ZBTB16: variants seen among roughly 807,000 people sequenced by gnomAD.
ZBTB16 encodes zinc finger and BTB domain containing 16.
Under a neutral mutation model 56.8 loss-of-function variants are expected in ZBTB16, and 8 were observed. The observed-to-expected ratio is 0.14, with a 90% confidence interval of 0.08 to 0.25. The LOEUF is 0.25. ZBTB16 is among the 10% of genes least tolerant of loss of function. The pLI is 1.00. For synonymous variants in ZBTB16, 363 were observed against 368.5 expected, an observed-to-expected ratio of 0.98 and a Z score of 0.17; for missense variants, 625 against 903.0, an observed-to-expected ratio of 0.69 and a Z score of 3.95.
intron 2 of ZBTB16, among the ~76,000 whole-genome samples, chr11:114,068,060 C>CA (rs4020463): frequency 0.041 from 4,582 of 111,264 alleles, 375 homozygotes; most frequent in African/African-American, 0.13. Flanking sequence ...AAAGCCAAGA[C>CA]AAAAAAAAAA....
In ZBTB16 at chr11:114,233,111, ACACACACACACACACTCTCT is replaced by A. The variant is rs760952139; in HGVS notation, c.1454-9054_1454-9035del. ...CACACACACACACACACACACACAC[ACACACACACACACACTCTCT>A]CTCTCTCACACTCCCTTTCCTTCTT... On this transcript the variant is annotated intron_variant, in intron 4 of 6. Coordinates refer to ENST00000335953, the MANE Select transcript of ZBTB16 (RefSeq NM_006006.6). 7.4e-3 allele frequency among the ~76,000 whole-genome samples: 515 copies of A among 69,486 alleles called. 16 individuals carry two copies. Among genetic ancestry groups the A allele is most frequent in the African/African-American group, 0.021 (463 of 21,794 alleles). 45.6% of individuals were successfully genotyped at this position (69,486 alleles called of 152,430 possible).
chr11:114,169,060 A>T (rs938541071), intron 3 of ZBTB16, among the ~76,000 whole-genome samples: 1 of 151,424 alleles, frequency 6.6e-6, no homozygotes, highest in African/African-American at 2.4e-5. Flanking sequence ...CATGCCCCCC[A>T]CTCCTCCTTT....
In ZBTB16 at chr11:114,095,496, G is replaced by A. The variant is rs535852917; in HGVS notation, c.1268+30928G>A. On this transcript the variant is annotated intron_variant, in intron 2 of 6. Coordinates refer to ENST00000335953, the MANE Select transcript of ZBTB16 (RefSeq NM_006006.6). Reference sequence around the variant, plus strand: ...AGGATGGTCACAATCTCCTGACCTCGTGGTCCGCCCGCCTTGGCCTCCCAC... The same window carrying A: ...AGGATGGTCACAATCTCCTGACCTCATGGTCCGCCCGCCTTGGCCTCCCAC... 3.9e-3 allele frequency among the ~76,000 whole-genome samples: 591 copies of A among 152,170 alleles called. 3 individuals carry two copies. Among genetic ancestry groups the A allele is most frequent in the Middle Eastern group, 0.01 (3 of 294 alleles).
chr11:114,116,335 G>A (rs192041309), intron 2 of ZBTB16, among the ~76,000 whole-genome samples: 1 of 152,322 alleles, frequency 6.6e-6, no homozygotes, highest in East Asian at 1.9e-4. Flanking sequence ...CCCCAGGTGT[G>A]TGTGTCTGAA....
intron 2 of ZBTB16, among the ~76,000 whole-genome samples, chr11:114,103,170 C>A (rs1050042111): frequency 7.2e-5 from 11 of 152,166 alleles, no homozygotes; most frequent in Non-Finnish European, 1.3e-4. Context: ...GCCTTGAGGC[C>A]ATTGAAAGCA....
chr11:114,185,581 C>A (rs115783347), intron 3 of ZBTB16, among the ~76,000 whole-genome samples: 2,880 of 152,278 alleles, frequency 0.019, 78 homozygotes, highest in African/African-American at 0.061. Context: ...TGTAGAGGAA[C>A]CTGCATCTGT....
intron 2 of ZBTB16, among the ~76,000 whole-genome samples, chr11:114,155,457 CCGGG>C (rs1310890452): frequency 6.8e-6 from 1 of 145,996 alleles, no homozygotes; most frequent in African/African-American, 2.7e-5. Flanking sequence ...GGGAGAGGCC[CCGGG>C]TTGGGGGTTG....
chr11:114,138,601 C>T (rs1273621313), intron 2 of ZBTB16, among the ~76,000 whole-genome samples: 9 of 151,882 alleles, frequency 5.9e-5, no homozygotes, highest in Admixed American at 4.6e-4. Flanking sequence ...AATGCTCTGC[C>T]CTGCATTTAG....
intron 3 of ZBTB16, among the ~76,000 whole-genome samples, chr11:114,161,469 T>A (rs1245216527): frequency 6.6e-6 from 1 of 152,182 alleles, no homozygotes; most frequent in African/African-American, 2.4e-5. Context: ...TGAGTATGAC[T>A]ATGCAATCAT....
At chr11:114,145,173 AAAATG>A (rs1464467794) in intron 2 of ZBTB16, among the ~76,000 whole-genome samples, 3 of 152,238 alleles carry the variant, frequency 2.0e-5, no homozygotes, top group African/African-American at 4.8e-5. Context: ...ACTTAGTCCA[AAAATG>A]TATTGAGAAA....
chr11:114,217,219 A>G (rs1251204894), intron 4 of ZBTB16, among the ~76,000 whole-genome samples: 1 of 152,230 alleles, frequency 6.6e-6, no homozygotes, highest in Non-Finnish European at 1.5e-5. Context: ...TGTGTTTAGG[A>G]GCCTAGATTT....
chr11:114,186,636 C>G (rs1213389049), intron 3 of ZBTB16, among the ~76,000 whole-genome samples: 1 of 149,402 alleles, frequency 6.7e-6, no homozygotes, highest in South Asian at 2.1e-4. Flanking sequence ...CTGTCCCCCC[C>G]ATCACCTGGA....
In ZBTB16 at chr11:114,064,257, A is replaced by G; in HGVS notation, c.957A>G (p.Arg319=). Residue 319 remains arginine (R), a synonymous_variant, in exon 2 of 7, where the codon CGA becomes CGG. Coordinates refer to ENST00000335953, the MANE Select transcript of ZBTB16 (RefSeq NM_006006.6). The surrounding 1 kb of genome is among the most constrained non-coding windows in gnomAD (Gnocchi z 4.2). ...AGGCTGGCCAGGCCCCCACTGGCCG[A>G]CCTGAGCACCCAGCACCCCCGCCTG... ...PAEAGQAPTG[R]PEHPAPPPEK... 6.2e-7 allele frequency: 1 copy of G among 1,613,916 alleles called. No homozygotes were observed. Among genetic ancestry groups the G allele is most frequent in the Non-Finnish European group, 8.5e-7 (1 of 1,180,006 alleles).
At chr11:114,194,878 C>T (rs1943572263) in intron 4 of ZBTB16, among the ~76,000 whole-genome samples, 1 of 152,174 alleles carries the variant, frequency 6.6e-6, no homozygotes, top group Non-Finnish European at 1.5e-5. Flanking sequence ...AAATTTGACA[C>T]ACGGACACTA....
At chr11:114,166,961 G>A (rs949288916) in intron 3 of ZBTB16, among the ~76,000 whole-genome samples, 3 of 152,198 alleles carry the variant, frequency 2.0e-5, no homozygotes, top group South Asian at 4.1e-4. Context: ...TCTGTGCTCC[G>A]TGCAATACTA....
At chr11:114,146,822 C>T (rs181089932) in intron 2 of ZBTB16, among the ~76,000 whole-genome samples, 1 of 146,156 alleles carries the variant, frequency 6.8e-6, no homozygotes. Context: ...GCACTCCAGC[C>T]TGGGCGATAG....
At chr11:114,204,989 G>A (rs1469480413) in intron 4 of ZBTB16, among the ~76,000 whole-genome samples, 3 of 152,104 alleles carry the variant, frequency 2.0e-5, no homozygotes, top group African/African-American at 7.2e-5. Context: ...CAATTCATTT[G>A]CCACGTTAAA....
At chr11:114,237,976 T>C (rs573386697) in intron 4 of ZBTB16, among the ~76,000 whole-genome samples, 62 of 152,278 alleles carry the variant, frequency 4.1e-4, no homozygotes, top group African/African-American at 1.4e-3. Context: ...CTGCACCTTG[T>C]GGAATGTCCC....
At chr11:114,100,965 C>T (rs12274202) in intron 2 of ZBTB16, among the ~76,000 whole-genome samples, 6,687 of 151,688 alleles carry the variant, frequency 0.044, 198 homozygotes, top group Admixed American at 0.091. Context: ...CGGGGGTCCC[C>T]GGGGGGTTCA....
Sources: gnomAD v4.1 joint callset for allele counts (sites outside exome capture counted in the v4.1 genomes callset) on GRCh38, gnomAD v4.1.1 for gene constraint, Gnocchi (gnomAD v3.1) non-coding constraint, MANE v1.5 for transcripts, NCBI Gene and HGNC (gene_info 2026-07-23, HGNC 2026-07-21) for gene names.